CPAMD8: variants seen among roughly 807,000 people sequenced by gnomAD.
CPAMD8 encodes C3 and PZP-like alpha-2-macroglobulin domain-containing protein 8.
CPAMD8 carries 146 observed loss-of-function variants against 224.7 expected under a neutral mutation model. The ratio of observed to expected loss-of-function variants is 0.65; its 90% CI spans 0.57 to 0.75. The LOEUF is 0.75. Ranked by LOEUF, CPAMD8 falls within the 30% of genes least tolerant of loss-of-function variation. The pLI, the probability that CPAMD8 is intolerant of heterozygous loss-of-function variation, is 0.00. For missense variants in CPAMD8, 2,301 were observed against 2,537.5 expected, an observed-to-expected ratio of 0.91 and a Z score of 2.00; for synonymous variants, 966 against 1,044.6, an observed-to-expected ratio of 0.92 and a Z score of 1.45.
chr19:16,961,089 G>A (rs866698347), intron 18 of CPAMD8, among the ~76,000 whole-genome samples: 2 of 152,156 alleles, frequency 1.3e-5, no homozygotes, highest in South Asian at 4.1e-4. Context: ...GTAGCTCCCA[G>A]TGTGATTGAC....
At chr19:16,915,666 A>G (rs962195670) in intron 27 of CPAMD8, among the ~76,000 whole-genome samples, 1 of 152,208 alleles carries the variant, frequency 6.6e-6, no homozygotes, top group African/African-American at 2.4e-5. Context: ...ACAGGATGGA[A>G]GCCAGGAGGC....
chr19:16,933,710 G>A (rs561065097), intron 23 of CPAMD8, among the ~76,000 whole-genome samples: 5 of 152,296 alleles, frequency 3.3e-5, no homozygotes, highest in African/African-American at 1.2e-4. Context: ...AGGATGGGGA[G>A]GAAATGGAAC....
At chr19:16,977,144 G>C (rs6512152) in intron 15 of CPAMD8, among the ~76,000 whole-genome samples, 66,557 of 152,020 alleles carry the variant, frequency 0.44, 16,586 homozygotes, top group African/African-American at 0.69. Context: ...ATTCAACAAA[G>C]GCAGAGAATA....
chr19:17,001,337 A>C (rs1392227264), intron 9 of CPAMD8, among the ~76,000 whole-genome samples: 19 of 150,802 alleles, frequency 1.3e-4, no homozygotes, highest in Non-Finnish European at 1.8e-4. Context: ...AAAAAAAAAA[A>C]AAAAAAACAA....
At chr19:17,015,928 G>A (rs1213875133) in intron 3 of CPAMD8, among the ~76,000 whole-genome samples, 1 of 152,174 alleles carries the variant, frequency 6.6e-6, no homozygotes, top group African/African-American at 2.4e-5. Context: ...GGGAGAGAAG[G>A]CAAGAAGGAC....
At chr19:16,939,826 G>C (rs1383715064) in intron 22 of CPAMD8, among the ~76,000 whole-genome samples, 1 of 152,180 alleles carries the variant, frequency 6.6e-6, no homozygotes, top group Non-Finnish European at 1.5e-5. Context: ...TGGTTCTCCA[G>C]CTCTCAGGCC....
chr19:16,907,265 G>C, intron 29 of CPAMD8, 148 bp from the exon 30 acceptor site: 1 of 827,296 alleles, frequency 1.2e-6, no homozygotes. Flanking sequence ...ACTGCCTGCA[G>C]ACCCAATTTT....
intron 1 of CPAMD8, among the ~76,000 whole-genome samples, chr19:17,023,726 C>T (rs145153414): frequency 2.2e-4 from 34 of 152,162 alleles, no homozygotes; most frequent in African/African-American, 7.2e-4. Context: ...GGACTACAGG[C>T]GTGCACCACC....
intron 2 of CPAMD8, 111 bp downstream of exon 2, chr19:17,021,919 G>A (rs2056968100): frequency 2.1e-5 from 10 of 468,474 alleles, no homozygotes; most frequent in South Asian, 1.6e-4. Flanking sequence ...TGGGGATTTA[G>A]GGCAGAAGGG....
chr19:16,965,029 G>T (rs2054781874), intron 18 of CPAMD8, among the ~76,000 whole-genome samples: 1 of 152,158 alleles, frequency 6.6e-6, no homozygotes, highest in African/African-American at 2.4e-5. Flanking sequence ...GGGAGGCTGA[G>T]GCAGGCAGAT....
chr19:16,895,833 G>A (rs1388069758), intron 41 of CPAMD8: 3 of 478,962 alleles, frequency 6.3e-6, no homozygotes, highest in South Asian at 1.6e-5. Flanking sequence ...TCTGAAATCC[G>A]AAACACTGCT....
intron 13 of CPAMD8, among the ~76,000 whole-genome samples, chr19:16,982,811 C>T (rs571914833): frequency 1.2e-3 from 185 of 152,276 alleles, no homozygotes; most frequent in African/African-American, 4.3e-3. Flanking sequence ...CACCCTCCAG[C>T]CTCGGGTGCT....
intron 30 of CPAMD8, among the ~76,000 whole-genome samples, chr19:16,906,407 T>TTTCTTTCTTTCTTTCCTTCC (rs1196710399): frequency 1.4e-5 from 1 of 69,866 alleles, no homozygotes; most frequent in African/African-American, 6.5e-5. Flanking sequence ...TCTTTCTTTC[T>TTTCTTTCTTTCTTTCCTTCC]TTCCTTCCTT....
At position 16,952,820 on chromosome 19, in the gene CPAMD8, C is replaced by A. The variant is rs574689178; in HGVS notation, c.2277-620G>T. Among the ~76,000 whole-genome samples the A allele has an allele frequency of 6.6e-4, 100 of 152,128 alleles. 1 individual carries two copies. Among genetic ancestry groups the A allele is most frequent in the African/African-American group, 2.1e-3 (88 of 41,500 alleles). ...AAGTGATCTATAGATTCAATGGAAC[C>A]CCTATCATAAACCCCAATGACTTTT... On this transcript the variant is annotated intron_variant, in intron 19 of 41. Coordinates refer to ENST00000443236, the MANE Select transcript of CPAMD8 (RefSeq NM_015692.5).
At chr19:16,912,808 G>A (rs1023637660) in intron 29 of CPAMD8, among the ~76,000 whole-genome samples, 1 of 151,984 alleles carries the variant, frequency 6.6e-6, no homozygotes, top group Non-Finnish European at 1.5e-5. Flanking sequence ...ATATCTTGTT[G>A]TCCATAGTGA....
At chr19:16,918,215 G>A (rs1218202031) in intron 27 of CPAMD8, among the ~76,000 whole-genome samples, 2 of 151,946 alleles carry the variant, frequency 1.3e-5, no homozygotes, top group Non-Finnish European at 2.9e-5. Flanking sequence ...GGCTGGTCTC[G>A]AACTCCTGAC....
At chr19:16,960,893 A>C (rs931588758) in intron 18 of CPAMD8, among the ~76,000 whole-genome samples, 4 of 147,492 alleles carry the variant, frequency 2.7e-5, no homozygotes, top group African/African-American at 9.9e-5. Context: ...ACTCCTCCTC[A>C]AAAAAAAAAA....
intron 23 of CPAMD8, among the ~76,000 whole-genome samples, chr19:16,933,946 AGATGAATG>A (rs1287596786): frequency 6.6e-6 from 1 of 152,224 alleles, no homozygotes; most frequent in African/African-American, 2.4e-5. Flanking sequence ...GTTCATCAAC[AGATGAATG>A]GATGAATACA....
chr19:16,895,905 A>ACG (rs748943155), intron 41 of CPAMD8: 28 of 253,810 alleles, frequency 1.1e-4, no homozygotes, highest in Non-Finnish European at 1.7e-4. Context: ...GCGCGCACGC[A>ACG]CACACACACA....
Sources: gnomAD v4.1 joint callset for allele counts (sites outside exome capture counted in the v4.1 genomes callset) on GRCh38, gnomAD v4.1.1 for gene constraint, MANE v1.5 for transcripts, NCBI Gene and HGNC (gene_info 2026-07-23, HGNC 2026-07-21) for gene names.